The following TSHR variants were observed in gnomAD, a reference collection of about 807,000 sequenced individuals.
The protein encoded by TSHR is thyrotropin receptor.
In TSHR, 51 loss-of-function variants were observed where a neutral mutation model predicts 64.1. The observed-to-expected ratio is 0.80, with a 90% CI of 0.64 to 1.01. The LOEUF (loss-of-function observed/expected upper bound fraction) is 1.01, where lower values mean the gene tolerates loss of function less well. Among genes scored for constraint, TSHR ranks in the 50% least tolerant of loss-of-function variants. The probability of loss-of-function intolerance (pLI) is 0.00; values close to 1 mark genes in which losing one functional copy is unlikely to be tolerated. For synonymous variants in TSHR, 361 were observed against 361.9 expected, an observed-to-expected ratio of 1.00 and a Z score of 0.03; for missense variants, 877 against 942.8, an observed-to-expected ratio of 0.93 and a Z score of 0.91.
At chr14:80,996,423 A>G (rs544608504) in intron 1 of TSHR, among the ~76,000 whole-genome samples, 8 of 152,228 alleles carry the variant, frequency 5.3e-5, no homozygotes, top group Admixed American at 5.2e-4. Flanking sequence ...TGATCTAGTA[A>G]GTGACGATGA....
chr14:81,056,473 T>C (rs1215971659), intron 1 of TSHR, among the ~76,000 whole-genome samples: 1 of 152,220 alleles, frequency 6.6e-6, no homozygotes, highest in African/African-American at 2.4e-5. Flanking sequence ...TATATAAATA[T>C]GCATTGTAGA....
intron 1 of TSHR, among the ~76,000 whole-genome samples, chr14:81,006,112 T>A (rs12897126): frequency 0.74 from 111,869 of 152,106 alleles, 44,805 homozygotes; most frequent in East Asian, 0.99. Context: ...GCCTTTAAAA[T>A]AAACTTTCTG....
chr14:80,977,270 A>C (rs908541691), intron 1 of TSHR, among the ~76,000 whole-genome samples: 12 of 152,248 alleles, frequency 7.9e-5, no homozygotes, highest in Non-Finnish European at 1.3e-4. Flanking sequence ...CTACCATGAC[A>C]ATAATTCACA....
chr14:80,997,059 C>A (rs1374028081), intron 1 of TSHR, among the ~76,000 whole-genome samples: 1 of 152,154 alleles, frequency 6.6e-6, no homozygotes, highest in Non-Finnish European at 1.5e-5. Context: ...GTTTTCTCTA[C>A]TTAATCTCAC....
chr14:81,049,462 C>T (rs537832643), intron 1 of TSHR: 1 of 152,326 alleles, frequency 6.6e-6, no homozygotes, highest in South Asian at 2.1e-4. Flanking sequence ...TTGAGTCACT[C>T]ATCCTTTCTT....
At chr14:81,066,497 A>G (rs901088313) in intron 2 of TSHR, among the ~76,000 whole-genome samples, 5 of 152,252 alleles carry the variant, frequency 3.3e-5, no homozygotes, top group African/African-American at 1.2e-4. Flanking sequence ...AATTATTTAG[A>G]GAACAGGTAA....
In TSHR at chr14:81,139,807, G is replaced by A. The variant is rs367893332; in HGVS notation, c.821G>A (p.Arg274Gln). The change falls in exon 9 of 10, where the codon CGG (arginine) becomes CAG (glutamine). Residue 274 changes from arginine to glutamine, a missense_variant. Transcript: ENST00000298171. ...PLSLSFLHLT[R>Q]ADLSYPSHCC... is the part of the protein sequence containing the mutation. The stretch of plus-strand genomic sequence containing the variant: ...TCCTTGAGTTTCCTTCACCTCACAC[G>A]GGCTGACCTTTCTTACCCAAGCCAC... 36 of 1,614,132 alleles carry A rather than the reference G, an allele frequency of 2.2e-5. No individual in the cohort carries two copies. The highest frequency in any genetic ancestry group is 1.6e-4 in the Middle Eastern group (1 of 6,062).
intron 1 of TSHR, among the ~76,000 whole-genome samples, chr14:81,055,500 C>A (rs1885722169): frequency 6.6e-6 from 1 of 152,146 alleles, no homozygotes; most frequent in South Asian, 2.1e-4. Context: ...CCTGGAAAAT[C>A]TACAGACACT....
chr14:81,144,451 C>A lies in TSHR; in HGVS notation c.*98C>A. On this transcript the variant is annotated 3_prime_UTR_variant, in exon 10 of 10. Coordinates refer to ENST00000298171, the MANE Select transcript of TSHR (RefSeq NM_000369.5). ...CATGACACCCCCAACACATAGCTGC[C>A]CTCACTCTTGTGCAGGCGATGTTTC... 2 of 1,244,036 alleles carry A rather than the reference C, an allele frequency of 1.6e-6. No homozygotes were observed. The highest frequency in any genetic ancestry group is 2.3e-6 in the Non-Finnish European group (2 of 863,368). 77.1% of individuals were successfully genotyped at this position (1,244,036 alleles called of 1,614,324 possible). A position where few individuals can be genotyped will look rare whatever the true frequency, so the allele number is the denominator to read the frequency against.
intron 8 of TSHR, among the ~76,000 whole-genome samples, chr14:81,124,222 C>CTT (rs11378278): frequency 6.8e-6 from 1 of 147,324 alleles, no homozygotes; most frequent in African/African-American, 2.5e-5. Context: ...TCTTTTTTTT[C>CTT]TTTTTTTTTT....
At position 81,063,933 on chromosome 14, in the gene TSHR, G is replaced by T. The variant is rs150291751; in HGVS notation, c.242+1714G>T. Among the ~76,000 whole-genome samples, 624 of 152,262 alleles carry T rather than the reference G, an allele frequency of 4.1e-3. 4 individuals are homozygous for T. The highest frequency in any genetic ancestry group is 0.013 in the African/African-American group (560 of 41,548). ...CAGAAGGGAAAAGCCTGGGCTTTCT[G>T]AAGAATTGAAATATAATAAGTTTCT... On this transcript the variant is annotated intron_variant, in intron 2 of 9. Transcript: ENST00000298171.
chr14:81,037,448 A>AAAAAAAAAAAAAAAAC lies in TSHR; in HGVS notation c.171-24698_171-24697insAAAAAAAAAAAAACAA, dbSNP rs1273226258. On this transcript the variant is annotated intron_variant, in intron 1 of 9. Coordinates refer to ENST00000298171, the MANE Select transcript of TSHR (RefSeq NM_000369.5). ...ACAAACAAACAAACAAACAAACAAAAAACAGAAAATGATCTAACAAAATGT... is the reference window on the plus strand; with the variant it reads ...ACAAACAAACAAACAAACAAACAAAAAAAAAAAAAAAAAAACAACAGAAAATGATCTAACAAAATGT... Among the ~76,000 whole-genome samples the AAAAAAAAAAAAAAAAC allele has an allele frequency of 1.0e-4, 13 of 128,436 alleles. 1 individual carries two copies. The highest frequency in any genetic ancestry group is 1.5e-4 in the Admixed American group (2 of 13,324). 84.3% of individuals were successfully genotyped at this position (128,436 alleles called of 152,430 possible).
chr14:81,020,315 G>A (rs575214494), intron 1 of TSHR, among the ~76,000 whole-genome samples: 16 of 152,278 alleles, frequency 1.1e-4, no homozygotes, highest in East Asian at 7.7e-4. Context: ...GTACCTGTCC[G>A]TGGTCTGTTA....
chr14:81,097,098 T>C (rs1595106808), intron 7 of TSHR, among the ~76,000 whole-genome samples: 1 of 152,160 alleles, frequency 6.6e-6, no homozygotes. Flanking sequence ...CACTCAGAAA[T>C]AGCTAAAAAA....
intron 8 of TSHR, among the ~76,000 whole-genome samples, chr14:81,112,885 C>A (rs183356629): frequency 6.6e-6 from 1 of 151,840 alleles, no homozygotes. Context: ...GCCGCTCAAA[C>A]AGAGTAAAGT....
intron 1 of TSHR, among the ~76,000 whole-genome samples, chr14:80,965,241 T>C (rs967624175): frequency 6.6e-6 from 1 of 152,226 alleles, no homozygotes; most frequent in African/African-American, 2.4e-5. Flanking sequence ...GCATTCCTTC[T>C]GGGTGGAGGA....
intron 1 of TSHR, among the ~76,000 whole-genome samples, chr14:81,015,140 G>A (rs548940163): frequency 6.6e-6 from 1 of 152,092 alleles, no homozygotes; most frequent in Admixed American, 6.6e-5. Flanking sequence ...ATAGAAATTG[G>A]ACTTTGCAAA....
At chr14:81,091,044 T>TTTTCTC in intron 4 of TSHR, 25 bp from the exon 5 acceptor site, 2 of 1,591,438 alleles carry the variant, frequency 1.3e-6, no homozygotes, top group Non-Finnish European at 1.7e-6. Flanking sequence ...CTATGCTTTT[T>TTTTCTC]TTTCTCTTTT....
chr14:81,078,426 T>C (rs1223649009), intron 3 of TSHR, among the ~76,000 whole-genome samples: 1 of 152,208 alleles, frequency 6.6e-6, no homozygotes, highest in East Asian at 1.9e-4. Flanking sequence ...TTTTCCCCTC[T>C]GGTTACTTGT....
Sources: gnomAD v4.1 joint callset for allele counts (sites outside exome capture counted in the v4.1 genomes callset) on GRCh38, gnomAD v4.1.1 for gene constraint, MANE v1.5 for transcripts, NCBI Gene and HGNC (gene_info 2026-07-23, HGNC 2026-07-21) for gene names.